CDH18: variants seen among roughly 807,000 people sequenced by gnomAD.
CDH18 encodes cadherin-18.
A neutral mutation model predicts 67.9 loss-of-function variants in CDH18; 31 were observed. The observed-to-expected ratio is 0.46, with a 90% CI of 0.34 to 0.62. CDH18 has a LOEUF of 0.62. Ranked by LOEUF, CDH18 falls within the 20% of genes least tolerant of loss-of-function variation. CDH18 has a pLI of 0.01. For missense variants in CDH18, 890 were observed against 975.5 expected, an observed-to-expected ratio of 0.91 and a Z score of 1.17; for synonymous variants, 362 against 347.2, an observed-to-expected ratio of 1.04 and a Z score of -0.48.
At chr5:20,566,705 C>T (rs1020240865) in intron 1 of CDH18, among the ~76,000 whole-genome samples, 5 of 151,774 alleles carry the variant, frequency 3.3e-5, no homozygotes, top group African/African-American at 1.2e-4. Flanking sequence ...CAGGAGCTTA[C>T]ATGTGTGATT....
intron 4 of CDH18, among the ~76,000 whole-genome samples, chr5:19,734,573 G>A (rs1315947250): frequency 4.6e-5 from 7 of 152,080 alleles, no homozygotes; most frequent in Non-Finnish European, 7.4e-5. Flanking sequence ...ATTAAAAAAA[G>A]ACTCTTCCTT....
At chr5:19,920,536 C>G (rs190014150) in intron 2 of CDH18, among the ~76,000 whole-genome samples, 1 of 126,490 alleles carries the variant, frequency 7.9e-6, no homozygotes, top group Admixed American at 8.9e-5. Flanking sequence ...TTTTTTCAGA[C>G]GGTGTCTTGC....
At chr5:20,009,229 C>A (rs914802855) in intron 2 of CDH18, among the ~76,000 whole-genome samples, 2 of 152,048 alleles carry the variant, frequency 1.3e-5, no homozygotes, top group African/African-American at 4.8e-5. Context: ...GGACTTACAT[C>A]TCTGATTAGA....
intron 3 of CDH18, among the ~76,000 whole-genome samples, chr5:19,817,296 A>G (rs1779393353): frequency 1.3e-5 from 2 of 152,124 alleles, no homozygotes; most frequent in South Asian, 2.1e-4. Context: ...TGCAACATCT[A>G]TGGAGGAGGC....
intron 5 of CDH18, among the ~76,000 whole-genome samples, chr5:19,623,993 T>TTAC (rs1246408734): frequency 6.8e-6 from 1 of 146,490 alleles, no homozygotes; most frequent in Non-Finnish European, 1.5e-5. Context: ...ATTATTATTA[T>TTAC]TATTATTATT....
intron 2 of CDH18, among the ~76,000 whole-genome samples, chr5:19,850,388 A>G (rs1581640324): frequency 6.6e-6 from 1 of 152,008 alleles, no homozygotes; most frequent in Admixed American, 6.6e-5. Flanking sequence ...ACAATCAACT[A>G]CAAATAATGT....
chr5:20,261,852 A>G (rs1744683931), intron 1 of CDH18, among the ~76,000 whole-genome samples: 1 of 152,150 alleles, frequency 6.6e-6, no homozygotes, highest in Admixed American at 6.5e-5. Flanking sequence ...CAGCAATACA[A>G]CTCCACTATG....
intron 1 of CDH18, among the ~76,000 whole-genome samples, chr5:20,285,606 C>A (rs1409164527): frequency 6.6e-6 from 1 of 151,144 alleles, no homozygotes; most frequent in East Asian, 1.9e-4. Flanking sequence ...TCTAAATGAA[C>A]AGGTATGCAT....
chr5:20,385,975 G>A (rs1469989526), intron 1 of CDH18, among the ~76,000 whole-genome samples: 1 of 152,154 alleles, frequency 6.6e-6, no homozygotes, highest in East Asian at 1.9e-4. Flanking sequence ...CATAGGTGTA[G>A]TTGTTACACA....
chr5:20,297,466 T>A (rs1026723228), intron 1 of CDH18, among the ~76,000 whole-genome samples: 3 of 152,240 alleles, frequency 2.0e-5, no homozygotes, highest in African/African-American at 7.2e-5. Context: ...GGATCATGGC[T>A]TTGGCTTTAA....
At chr5:19,887,288 C>T (rs1788313289) in intron 2 of CDH18, among the ~76,000 whole-genome samples, 1 of 151,712 alleles carries the variant, frequency 6.6e-6, no homozygotes, top group Admixed American at 6.6e-5. Flanking sequence ...AGCTATTTCT[C>T]CTTATCTCAT....
chr5:19,749,460 T>A (rs1352813472), intron 3 of CDH18, among the ~76,000 whole-genome samples: 2 of 151,498 alleles, frequency 1.3e-5, no homozygotes, highest in Non-Finnish European at 3.0e-5. Context: ...GATATGTATA[T>A]GTGTGTATAC....
rs114953094 is a variant in CDH18 at position 20,572,626 on chromosome 5, A to G, written c.-580+2836T>C. On this transcript the variant is annotated intron_variant, in intron 1 of 14. Transcript: ENST00000507958. ...TAAAGCTACTTTTAAAAGTATTCAC[A>G]TTATAAAAATAGGGAAAACACTTCA... Among the ~76,000 whole-genome samples, 1,126 of 152,246 alleles carry G rather than the reference A, an allele frequency of 7.4e-3. 8 individuals carry two copies. Among genetic ancestry groups the G allele is most frequent in the Non-Finnish European group, 0.011 (718 of 67,992 alleles).
intron 3 of CDH18, among the ~76,000 whole-genome samples, chr5:19,755,862 T>A (rs142613912): frequency 9.1e-4 from 139 of 152,174 alleles, no homozygotes; most frequent in East Asian, 2.1e-3. Context: ...TGCTGACAGC[T>A]ATTTAGACAG....
chr5:19,769,489 G>A (rs1402899469), intron 3 of CDH18, among the ~76,000 whole-genome samples: 2 of 152,026 alleles, frequency 1.3e-5, no homozygotes, highest in Non-Finnish European at 2.9e-5. Flanking sequence ...AATGTTCCTA[G>A]ATAAACAACT....
At chr5:20,306,673 C>A (rs1246867250) in intron 1 of CDH18, among the ~76,000 whole-genome samples, 1 of 151,786 alleles carries the variant, frequency 6.6e-6, no homozygotes, top group South Asian at 2.1e-4. Context: ...ACCGTTAGTC[C>A]CTGAAGACTT....
chr5:19,919,243 GTTC>G lies in CDH18; in HGVS notation c.-257+61814_-257+61816del, dbSNP rs1363494110. ...GCCCTGTGTCCCTCTTCATCTGGCT[GTTC>G]ATTTGTATCATCTATGATATTATAA... is the stretch of plus-strand genomic sequence containing the variant. On this transcript the variant is annotated intron_variant, in intron 2 of 12. Transcript: ENST00000382275. Among the ~76,000 whole-genome samples, 1,224 of 152,178 alleles carry G rather than the reference GTTC, an allele frequency of 8.0e-3. 17 individuals are homozygous for G. The highest frequency in any genetic ancestry group is 0.028 in the African/African-American group (1,164 of 41,498).
chr5:20,144,481 C>T (rs1750489317), intron 2 of CDH18, among the ~76,000 whole-genome samples: 1 of 152,084 alleles, frequency 6.6e-6, no homozygotes, highest in Non-Finnish European at 1.5e-5. Context: ...TTGTCTGGCT[C>T]ATAGTTTTAC....
chr5:20,365,295 A>C (rs1213492433), intron 1 of CDH18, among the ~76,000 whole-genome samples: 1 of 152,124 alleles, frequency 6.6e-6, no homozygotes, highest in Non-Finnish European at 1.5e-5. Flanking sequence ...CTCCATTCTC[A>C]TGACCACATC....
Sources: gnomAD v4.1 joint callset for allele counts (sites outside exome capture counted in the v4.1 genomes callset) on GRCh38, gnomAD v4.1.1 for gene constraint, MANE v1.5 for transcripts, NCBI Gene and HGNC (gene_info 2026-07-23, HGNC 2026-07-21) for gene names.